The following SBF2 variants were observed in gnomAD, a reference collection of about 807,000 sequenced individuals.
SBF2 encodes the protein myotubularin-related protein 13.
Under a neutral mutation model 225.2 loss-of-function variants are expected in SBF2, and 112 were observed. The ratio of observed to expected loss-of-function variants is 0.50; its 90% CI spans 0.43 to 0.58. SBF2 has a LOEUF of 0.58. Ranked by LOEUF, SBF2 falls within the 20% of genes least tolerant of loss-of-function variation. The pLI, the probability that SBF2 is intolerant of heterozygous loss-of-function variation, is 0.00. For synonymous variants in SBF2, 763 were observed against 773.3 expected (o/e 0.99, Z 0.22); for missense variants, 1,996 against 2,206.2 (o/e 0.90, Z 1.91).
intron 2 of SBF2, among the ~76,000 whole-genome samples, chr11:10,173,154 G>A (rs13377398): frequency 0.095 from 14,501 of 152,226 alleles, 938 homozygotes; most frequent in East Asian, 0.28. Flanking sequence ...GTCAGGAGAG[G>A]AGCCAAGATG....
intron 28 of SBF2, among the ~76,000 whole-genome samples, chr11:9,824,427 C>T (rs949479501): frequency 6.6e-6 from 1 of 151,740 alleles, no homozygotes; most frequent in African/African-American, 2.4e-5. Flanking sequence ...CACGGTGGCA[C>T]GTGCCTGTAA....
chr11:10,132,067 GT>G (rs1419697727), intron 2 of SBF2, among the ~76,000 whole-genome samples: 1 of 152,146 alleles, frequency 6.6e-6, no homozygotes, highest in South Asian at 2.1e-4. Flanking sequence ...TTTGGTCTAA[GT>G]TTTTTGTCTA....
chr11:10,187,621 T>C (rs4910095), intron 2 of SBF2, among the ~76,000 whole-genome samples: 33,021 of 151,714 alleles, frequency 0.22, 4,229 homozygotes, highest in Non-Finnish European at 0.3. Flanking sequence ...TAATCAGACA[T>C]CACTCTTGTT....
intron 14 of SBF2, among the ~76,000 whole-genome samples, chr11:9,965,598 T>A (rs2134375521): frequency 6.6e-6 from 1 of 152,298 alleles, no homozygotes; most frequent in Non-Finnish European, 1.5e-5. Context: ...TTAAACTTTT[T>A]AATAAAACTA....
At chr11:10,028,066 T>C (rs779154091) in intron 6 of SBF2, among the ~76,000 whole-genome samples, 122 of 152,136 alleles carry the variant, frequency 8.0e-4, no homozygotes, top group Admixed American at 3.3e-3. Context: ...TGCACCAACA[T>C]GCCCAGCTAA....
At chr11:10,116,191 A>G (rs1358826922) in intron 2 of SBF2, among the ~76,000 whole-genome samples, 2 of 152,138 alleles carry the variant, frequency 1.3e-5, no homozygotes, top group African/African-American at 4.8e-5. Context: ...AGGAAAAAAA[A>G]TATTTGTTTA....
At chr11:9,913,719 A>C (rs1862839853) in intron 16 of SBF2, among the ~76,000 whole-genome samples, 1 of 152,214 alleles carries the variant, frequency 6.6e-6, no homozygotes, top group Non-Finnish European at 1.5e-5. Flanking sequence ...TGTCCACATG[A>C]ATAAAATGTA....
intron 2 of SBF2, among the ~76,000 whole-genome samples, chr11:10,193,284 T>A (rs992579244): frequency 2.6e-5 from 4 of 150,998 alleles, no homozygotes; most frequent in Non-Finnish European, 5.9e-5. Context: ...GTTACTAGGC[T>A]AAGACTTTTA....
rs769428964 is a variant in SBF2 at position 9,968,490 on chromosome 11, G to T, written c.1451C>A (p.Ser484Tyr). ...AGGAAGAATATGAACTCGCAAATGG[G>T]ATCCTTCTGTTGGCCGTGGAACTTT... ...FQKVPRPTEG[S>Y]HLRVHILPFP... The change falls in exon 14 of 40, where the codon TCC becomes TAC. Residue 484 changes from serine to tyrosine, a missense_variant. Coordinates refer to ENST00000256190, the MANE Select transcript of SBF2 (RefSeq NM_030962.4). The T allele has an allele frequency of 1.9e-6, 3 of 1,613,996 alleles. No homozygotes were observed. The highest frequency in any genetic ancestry group is 1.3e-5 in the African/African-American group (1 of 74,894).
At chr11:9,866,866 G>A (rs988366050) in intron 17 of SBF2, among the ~76,000 whole-genome samples, 3 of 152,050 alleles carry the variant, frequency 2.0e-5, no homozygotes, top group Admixed American at 6.6e-5. Context: ...GAGTATACAA[G>A]GAATGCAAGC....
At chr11:10,068,168 G>T (rs996097092) in intron 2 of SBF2, among the ~76,000 whole-genome samples, 1 of 152,182 alleles carries the variant, frequency 6.6e-6, no homozygotes, top group East Asian at 1.9e-4. Context: ...TGCAAACCTA[G>T]CATAGCACCC....
chr11:9,798,249 GCTC>G (rs1289779955), intron 32 of SBF2, among the ~76,000 whole-genome samples: 1 of 152,062 alleles, frequency 6.6e-6, no homozygotes, highest in Non-Finnish European at 1.5e-5. Context: ...GGTCTTCCTG[GCTC>G]CTTTCTTAAG....
chr11:10,257,816 G>A (rs1424837790), intron 1 of SBF2, among the ~76,000 whole-genome samples: 1 of 151,928 alleles, frequency 6.6e-6, no homozygotes, highest in Admixed American at 6.6e-5. Context: ...GGGCAACATG[G>A]TGAAACTCTG....
At chr11:9,980,289 TAAA>T (rs1170874978) in intron 13 of SBF2, among the ~76,000 whole-genome samples, 4,896 of 105,802 alleles carry the variant, frequency 0.046, 121 homozygotes, top group Middle Eastern at 0.13. Flanking sequence ...CTCTTGTAAT[TAAA>T]AAAAAAAAAA....
At chr11:9,845,213 A>C (rs1483992332) in intron 24 of SBF2, among the ~76,000 whole-genome samples, 1 of 152,222 alleles carries the variant, frequency 6.6e-6, no homozygotes, top group Non-Finnish European at 1.5e-5. Flanking sequence ...TCTAGATAAA[A>C]GCAAATCTGT....
chr11:9,974,936 G>T (rs1946609255), intron 13 of SBF2, among the ~76,000 whole-genome samples: 1 of 117,670 alleles, frequency 8.5e-6, no homozygotes, highest in Admixed American at 1.1e-4. Flanking sequence ...CTCCAGCCTG[G>T]GCAACAACAG....
At chr11:9,913,815 A>G (rs1285006557) in intron 16 of SBF2, among the ~76,000 whole-genome samples, 1 of 152,204 alleles carries the variant, frequency 6.6e-6, no homozygotes, top group Non-Finnish European at 1.5e-5. Flanking sequence ...CTGACACTTT[A>G]CCACAATACA....
At chr11:9,906,451 C>T (rs1255378631) in intron 16 of SBF2, among the ~76,000 whole-genome samples, 1 of 152,200 alleles carries the variant, frequency 6.6e-6, no homozygotes, top group East Asian at 1.9e-4. Flanking sequence ...AATCATAAAA[C>T]ATTTAGACTA....
chr11:10,091,819 G>C (rs1409398179), intron 2 of SBF2, among the ~76,000 whole-genome samples: 1 of 152,126 alleles, frequency 6.6e-6, no homozygotes, highest in Non-Finnish European at 1.5e-5. Flanking sequence ...AAGAAAGCAC[G>C]AACTGATCTA....
Sources: allele counts gnomAD v4.1 joint callset (sites outside exome capture counted in the v4.1 genomes callset), GRCh38; gene constraint gnomAD v4.1.1; transcripts MANE v1.5; gene names NCBI Gene and HGNC (gene_info 2026-07-23, HGNC 2026-07-21).